TRAPPC9: variants seen among roughly 807,000 people sequenced by gnomAD.
TRAPPC9 encodes the protein trafficking protein particle complex subunit 9.
In TRAPPC9, 83 loss-of-function variants were observed where a neutral mutation model predicts 124.0. The observed-to-expected ratio is 0.67, with a 90% CI of 0.56 to 0.80. The LOEUF (loss-of-function observed/expected upper bound fraction) is 0.80. Ranked by LOEUF, TRAPPC9 falls within the 30% of genes least tolerant of loss-of-function variation. TRAPPC9 has a pLI of 0.00. For synonymous variants in TRAPPC9, 638 were observed against 617.5 expected (o/e 1.03, Z -0.49); for missense variants, 1,302 against 1,508.3 (o/e 0.86, Z 2.27).
chr8:140,434,708 C>T lies in TRAPPC9; in HGVS notation c.859+404G>A, dbSNP rs190539784. On this transcript the variant is annotated intron_variant, in intron 4 of 22. Transcript: ENST00000438773. The stretch of plus-strand genomic sequence containing the variant: ...TTTCTGGGCAGGGCATGGTGGCTCA[C>T]GCCTGTAATCCCAGCACTTTGGGAG... Among the ~76,000 whole-genome samples the T allele has an allele frequency of 6.3e-3, 959 of 152,286 alleles. 3 individuals are homozygous for T. The highest frequency in any genetic ancestry group is 0.011 in the South Asian group (52 of 4,828).
chr8:140,243,520 G>A (rs145620353), intron 16 of TRAPPC9, among the ~76,000 whole-genome samples: 15 of 152,334 alleles, frequency 9.8e-5, no homozygotes, highest in African/African-American at 3.4e-4. Flanking sequence ...TTTAGTGGGA[G>A]AGCCCTATGA....
At chr8:139,747,538 G>C (rs866343962) in intron 21 of TRAPPC9, among the ~76,000 whole-genome samples, 7 of 114,834 alleles carry the variant, frequency 6.1e-5, no homozygotes, top group South Asian at 3.6e-4. Flanking sequence ...GCAGGAGTCA[G>C]AGCAGGTAGG....
At chr8:140,358,883 A>G (rs1563971703) in intron 9 of TRAPPC9, among the ~76,000 whole-genome samples, 1 of 152,084 alleles carries the variant, frequency 6.6e-6, no homozygotes, top group Non-Finnish European at 1.5e-5. Flanking sequence ...CTTTCCTGGG[A>G]GCAGTGAGCA....
chr8:139,938,068 G>A (rs1467219277), intron 19 of TRAPPC9, among the ~76,000 whole-genome samples: 2 of 152,218 alleles, frequency 1.3e-5, no homozygotes, highest in African/African-American at 4.8e-5. Context: ...ATTGAAATAT[G>A]AATAGGAGAA....
intron 19 of TRAPPC9, among the ~76,000 whole-genome samples, chr8:139,945,704 C>T (rs1014668961): frequency 1.3e-5 from 2 of 152,120 alleles, no homozygotes; most frequent in Admixed American, 6.6e-5. Context: ...GGTGTGCTCA[C>T]CAGGATGAAG....
At chr8:140,077,877 G>C (rs892918680) in intron 17 of TRAPPC9, among the ~76,000 whole-genome samples, 2 of 152,174 alleles carry the variant, frequency 1.3e-5, no homozygotes, top group African/African-American at 2.4e-5. Flanking sequence ...AAAAGGCTGC[G>C]TGGCCCCAGA....
intron 17 of TRAPPC9, among the ~76,000 whole-genome samples, chr8:140,143,653 T>G (rs574447751): frequency 3.3e-5 from 5 of 152,358 alleles, no homozygotes; most frequent in African/African-American, 9.6e-5. Context: ...CTACATTATC[T>G]TCTAAAATTT....
At position 139,932,111 on chromosome 8, in the gene TRAPPC9, C is replaced by A. The variant is rs916123580; in HGVS notation, c.2811-21811G>T. The A allele has an allele frequency of 3.9e-5, 14 of 355,558 alleles. No homozygotes were observed. In the East Asian group the frequency reaches 7.4e-4, roughly 19 times the overall value. 22.0% of individuals were successfully genotyped at this position (355,558 alleles called of 1,614,324 possible). On this transcript the variant is annotated intron_variant, in intron 19 of 22. Transcript: ENST00000438773. ...AAGAGGCCGCAGAGGTGTTGATGTG[C>A]GGCTGAGGGCGGGGTGCTGGCCCAA... is the stretch of plus-strand genomic sequence containing the variant.
intron 17 of TRAPPC9, among the ~76,000 whole-genome samples, chr8:140,195,669 AG>A (rs2062637421): frequency 6.6e-6 from 1 of 151,794 alleles, no homozygotes; most frequent in African/African-American, 2.4e-5. Context: ...TCCACTACAC[AG>A]CTCGCACCTG....
At chr8:139,796,396 A>G (rs1823099188) in intron 21 of TRAPPC9, among the ~76,000 whole-genome samples, 1 of 152,184 alleles carries the variant, frequency 6.6e-6, no homozygotes, top group South Asian at 2.1e-4. Context: ...CCCTGATCCA[A>G]TGATGCATCA....
At chr8:140,356,357 G>C (rs1247158322) in intron 9 of TRAPPC9, among the ~76,000 whole-genome samples, 2 of 152,158 alleles carry the variant, frequency 1.3e-5, no homozygotes, top group Non-Finnish European at 1.5e-5. Context: ...ATCAAAATAA[G>C]ACAAGGCCTC....
chr8:140,304,851 G>C (rs561733857), intron 10 of TRAPPC9, among the ~76,000 whole-genome samples: 1 of 152,174 alleles, frequency 6.6e-6, no homozygotes, highest in Admixed American at 6.5e-5. Context: ...GGGGGCTAAC[G>C]CAAGTCAGTC....
At chr8:140,242,785 A>G (rs374962486) in intron 16 of TRAPPC9, among the ~76,000 whole-genome samples, 15 of 152,236 alleles carry the variant, frequency 9.9e-5, no homozygotes, top group East Asian at 5.8e-4. Context: ...AGTCGGGAAC[A>G]GTCAGTGTGG....
intron 19 of TRAPPC9, among the ~76,000 whole-genome samples, chr8:139,970,587 G>C (rs541666561): frequency 6.6e-6 from 1 of 152,062 alleles, no homozygotes; most frequent in African/African-American, 2.4e-5. Flanking sequence ...GCTTCCCTCC[G>C]CCTTTCCCAG....
chr8:140,231,897 C>T (rs564153188), intron 16 of TRAPPC9, among the ~76,000 whole-genome samples: 49 of 152,184 alleles, frequency 3.2e-4, no homozygotes, highest in Admixed American at 2.0e-3. Flanking sequence ...TAAATTAAGT[C>T]AAACCCTGAT....
At chr8:140,307,736 C>T (rs1019594550) in intron 10 of TRAPPC9, among the ~76,000 whole-genome samples, 12 of 152,164 alleles carry the variant, frequency 7.9e-5, no homozygotes, top group African/African-American at 2.4e-4. Context: ...GAAGCCTACT[C>T]GAATCTGTCA....
chr8:139,800,728 C>T (rs1196130358), intron 21 of TRAPPC9, among the ~76,000 whole-genome samples: 1 of 152,134 alleles, frequency 6.6e-6, no homozygotes, highest in Non-Finnish European at 1.5e-5. Flanking sequence ...TGAAACCACA[C>T]TCTTCCCTCC....
intron 15 of TRAPPC9, among the ~76,000 whole-genome samples, chr8:140,271,248 G>C (rs1367635110): frequency 6.6e-6 from 1 of 152,174 alleles, no homozygotes; most frequent in African/African-American, 2.4e-5. Context: ...CCCAAAAGGA[G>C]GGTGGGTAGG....
chr8:140,132,648 T>G (rs1407788391), intron 17 of TRAPPC9, among the ~76,000 whole-genome samples: 1 of 152,128 alleles, frequency 6.6e-6, no homozygotes, highest in East Asian at 1.9e-4. Context: ...CGAAAAGACC[T>G]TAGCCCTGGA....
Sources: allele counts gnomAD v4.1 joint callset (sites outside exome capture counted in the v4.1 genomes callset), GRCh38; gene constraint gnomAD v4.1.1; transcripts MANE v1.5; gene names NCBI Gene and HGNC (gene_info 2026-07-23, HGNC 2026-07-21).